The following KDM4C variants were observed in gnomAD, a reference collection of about 807,000 sequenced individuals.
KDM4C encodes the protein lysine demethylase 4C.
Under a neutral mutation model 129.3 loss-of-function variants are expected in KDM4C, and 81 were observed. That is an observed-to-expected ratio of 0.63 (90% confidence interval 0.52 to 0.75). The LOEUF (loss-of-function observed/expected upper bound fraction) is 0.75. KDM4C is among the 30% of genes least tolerant of loss of function. KDM4C has a pLI of 0.00. For missense variants in KDM4C, 1,457 were observed against 1,304.0 expected (o/e 1.12, Z -1.81); for synonymous variants, 573 against 456.1 (o/e 1.26, Z -3.26).
chr9:7,105,910 C>T (rs369544112), intron 18 of KDM4C, among the ~76,000 whole-genome samples: 9 of 152,168 alleles, frequency 5.9e-5, no homozygotes, highest in South Asian at 2.1e-4. Context: ...CTACTGTCTC[C>T]TACAGATCCA....
At chr9:6,823,635 A>T (rs1251592578) in intron 4 of KDM4C, among the ~76,000 whole-genome samples, 1 of 152,138 alleles carries the variant, frequency 6.6e-6, no homozygotes, top group East Asian at 1.9e-4. Flanking sequence ...CAGATCTCCA[A>T]AGGTGTCCCC....
intron 19 of KDM4C, among the ~76,000 whole-genome samples, chr9:7,152,835 C>T (rs1471904178): frequency 6.6e-6 from 1 of 152,080 alleles, no homozygotes; most frequent in African/African-American, 2.4e-5. Flanking sequence ...TGTATTCTAA[C>T]ATGAAAGAAA....
At chr9:6,776,668 T>TATC (rs1014091403) in intron 1 of KDM4C, among the ~76,000 whole-genome samples, 2 of 143,862 alleles carry the variant, frequency 1.4e-5, no homozygotes, top group Admixed American at 1.4e-4. Flanking sequence ...GCAATGGCGC[T>TATC]ATCTCAGCTC....
At chr9:7,157,057 G>T (rs1315677953) in intron 19 of KDM4C, among the ~76,000 whole-genome samples, 1 of 152,134 alleles carries the variant, frequency 6.6e-6, no homozygotes, top group African/African-American at 2.4e-5. Flanking sequence ...TCTCCTTGAA[G>T]AGGTCCTTCA....
intron 18 of KDM4C, among the ~76,000 whole-genome samples, chr9:7,104,859 A>G (rs1837501397): frequency 6.6e-6 from 1 of 152,218 alleles, no homozygotes; most frequent in Non-Finnish European, 1.5e-5. Context: ...ACACACAGCA[A>G]ATCTCCCAGC....
intron 8 of KDM4C, among the ~76,000 whole-genome samples, chr9:6,898,023 C>G (rs1816734420): frequency 6.6e-6 from 1 of 152,086 alleles, no homozygotes; most frequent in Admixed American, 6.6e-5. Flanking sequence ...TGCTTCCTGG[C>G]CAGGTTGGAT....
chr9:6,948,486 T>G (rs1827379501), intron 8 of KDM4C, among the ~76,000 whole-genome samples: 1 of 144,650 alleles, frequency 6.9e-6, no homozygotes, highest in African/African-American at 2.5e-5. Flanking sequence ...GTGTGCTGTT[T>G]GCATTTTTTT....
chr9:6,893,416 T>C (rs554667769), intron 8 of KDM4C, 184 bp downstream of exon 8: 16 of 427,404 alleles, frequency 3.7e-5, no homozygotes, highest in African/African-American at 2.9e-4. Context: ...CAATTTTAGC[T>C]GAATTTGTCT....
intron 8 of KDM4C, among the ~76,000 whole-genome samples, chr9:6,900,371 G>T (rs765220652): frequency 6.6e-6 from 1 of 152,228 alleles, no homozygotes; most frequent in Non-Finnish European, 1.5e-5. Flanking sequence ...TCACTCTCAA[G>T]ATTCTTGAAG....
Position 7,119,316 on chromosome 9 carries a change from T to C in KDM4C, c.2611-8750T>C, listed in dbSNP as rs138176385. On this transcript the variant is annotated intron_variant, in intron 18 of 21. Coordinates refer to ENST00000381309, the MANE Select transcript of KDM4C (RefSeq NM_015061.6). ...AATATCCCAGGTGATAAAATCTTTT[T>C]AATAATTATGAAGAAAAATTTGTGT... 7.4e-3 allele frequency among the ~76,000 whole-genome samples: 1,126 copies of C among 152,308 alleles called. 20 individuals carry two copies. Among genetic ancestry groups the C allele is most frequent in the African/African-American group, 0.026 (1,081 of 41,572 alleles).
At chr9:7,048,844 C>T (rs117522323) in intron 16 of KDM4C, among the ~76,000 whole-genome samples, 85 of 152,108 alleles carry the variant, frequency 5.6e-4, no homozygotes, top group Non-Finnish European at 1.0e-3. Flanking sequence ...AATATGTGCA[C>T]GTTAATAGGA....
chr9:6,833,696 A>ATAC (rs1835327597), intron 4 of KDM4C, among the ~76,000 whole-genome samples: 1 of 152,222 alleles, frequency 6.6e-6, no homozygotes, highest in Non-Finnish European at 1.5e-5. Flanking sequence ...GCTCCCTGGT[A>ATAC]TGTACTGAAT....
intron 8 of KDM4C, among the ~76,000 whole-genome samples, chr9:6,936,912 A>G (rs1283134507): frequency 6.6e-6 from 1 of 152,212 alleles, no homozygotes; most frequent in Non-Finnish European, 1.5e-5. Flanking sequence ...AGTGCCTAGA[A>G]CTTAGCATTG....
chr9:6,885,782 A>G (rs1845171649), intron 6 of KDM4C, among the ~76,000 whole-genome samples: 1 of 152,150 alleles, frequency 6.6e-6, no homozygotes, highest in African/African-American at 2.4e-5. Context: ...TTGTTTATGA[A>G]GTGTTTTTCA....
chr9:6,864,727 T>C (rs1841606463), intron 5 of KDM4C, among the ~76,000 whole-genome samples: 1 of 151,936 alleles, frequency 6.6e-6, no homozygotes, highest in African/African-American at 2.4e-5. Flanking sequence ...TTCTACTCCT[T>C]GCTCTTGCTC....
intron 8 of KDM4C, chr9:6,902,638 C>A (rs948421688): frequency 1.2e-4 from 18 of 152,084 alleles, no homozygotes; most frequent in African/African-American, 4.1e-4. Context: ...GGAAGTGACT[C>A]ATTGTGGGTC....
rs531292088 is a variant in KDM4C at position 6,834,541 on chromosome 9, C to T, written c.436-14966C>T. On this transcript the variant is annotated intron_variant, in intron 4 of 21. Coordinates refer to ENST00000381309, the MANE Select transcript of KDM4C (RefSeq NM_015061.6). Reference sequence around the variant, plus strand: ...TTCGCAGGTGACGATGACCCCCGGCCGTCTTCCCCTTCATCGTGTGGCACC... The same window carrying T: ...TTCGCAGGTGACGATGACCCCCGGCTGTCTTCCCCTTCATCGTGTGGCACC... The T allele has an allele frequency of 4.0e-5, 27 of 683,512 alleles. 1 individual carries two copies. The highest frequency in any genetic ancestry group is 3.1e-4 in the South Asian group (20 of 64,996). The allele number at this position is 683,512 out of a possible 1,614,324, so 42.3% of individuals were successfully genotyped here.
At chr9:7,166,539 T>A (rs909215700) in intron 20 of KDM4C, among the ~76,000 whole-genome samples, 39 of 152,196 alleles carry the variant, frequency 2.6e-4, no homozygotes, top group Non-Finnish European at 5.3e-4. Context: ...TTCAAGTTAT[T>A]TATAATAGTA....
intron 5 of KDM4C, among the ~76,000 whole-genome samples, chr9:6,870,604 T>C (rs1286021670): frequency 6.6e-6 from 1 of 152,104 alleles, no homozygotes; most frequent in Non-Finnish European, 1.5e-5. Flanking sequence ...AGTTCTTCTT[T>C]TTCACTGTGT....
Sources: allele counts gnomAD v4.1 joint callset (sites outside exome capture counted in the v4.1 genomes callset), GRCh38; gene constraint gnomAD v4.1.1; transcripts MANE v1.5; gene names NCBI Gene and HGNC (gene_info 2026-07-23, HGNC 2026-07-21).